The following IL31RA variants were observed in gnomAD, a reference collection of about 807,000 sequenced individuals.
IL31RA encodes interleukin-31 receptor subunit alpha.
In IL31RA, 66 loss-of-function variants were observed where a neutral mutation model predicts 83.7. The ratio of observed to expected loss-of-function variants is 0.79; its 90% CI spans 0.65 to 0.97. The LOEUF (loss-of-function observed/expected upper bound fraction) is 0.97. Ranked by LOEUF, IL31RA falls within the 50% of genes least tolerant of loss-of-function variation. The pLI is 0.00. For synonymous variants in IL31RA, 325 were observed against 329.0 expected, an observed-to-expected ratio of 0.99 and a Z score of 0.13; for missense variants, 798 against 919.4, an observed-to-expected ratio of 0.87 and a Z score of 1.71.
At chr5:55,844,057 T>A in the IL31RA span, among the ~76,000 whole-genome samples, 1 of 152,154 alleles carries the variant, frequency 6.6e-6, no homozygotes, top group Non-Finnish European at 1.5e-5. Flanking sequence ...TGTGCCAGTT[T>A]GTTACATGGT....
chr5:55,903,125 G>A lies in IL31RA; in HGVS notation c.1070-2981G>A, dbSNP rs1297661517. On this transcript the variant is annotated intron_variant, in intron 8 of 14. Coordinates refer to ENST00000652347, the MANE Select transcript of IL31RA (RefSeq NM_139017.7). The surrounding 1 kb of genome is among the most constrained non-coding windows in gnomAD (Gnocchi z 4.7). ...GAATGAGGTTCCTTCTGCTCAGCAC[G>A]CCCTGGGTTTTGTGAGACCCGAGAC... 1.3e-5 allele frequency among the ~76,000 whole-genome samples: 2 copies of A among 152,194 alleles called. No individual in the cohort carries two copies. Among genetic ancestry groups the A allele is most frequent in the African/African-American group, 4.8e-5 (2 of 41,446 alleles).
chr5:55,916,690 A>G lies in IL31RA; in HGVS notation c.1865A>G (p.Asp622Gly), dbSNP rs750463397. 4 of 1,614,224 alleles carry G rather than the reference A, an allele frequency of 2.5e-6. No individual in the cohort carries two copies. In the East Asian group the frequency reaches 8.9e-5, roughly 36 times the overall value. ...KESDDSVNTE[D>G]RILKPCSTPS... ...TCTGATGACTCTGTGAACACAGAAG[A>G]CAGGATCTTAAAACCATGTTCCACC... Residue 622 changes from aspartate to glycine, a missense_variant, in exon 15 of 15, where the codon GAC (aspartate) becomes GGC (glycine). Physicochemically the swap from Asp to Gly is moderately conservative, Grantham distance 94. Transcript: ENST00000652347.
chr5:55,844,951 C>A, the IL31RA span, among the ~76,000 whole-genome samples: 1 of 152,164 alleles, frequency 6.6e-6, no homozygotes, highest in Non-Finnish European at 1.5e-5. Context: ...CCTCTAGCAT[C>A]TCTTTTTTAT....
intron 6 of IL31RA, among the ~76,000 whole-genome samples, chr5:55,891,364 C>T (rs1039768670): frequency 3.9e-5 from 6 of 152,182 alleles, no homozygotes; most frequent in African/African-American, 1.2e-4. Context: ...CTTAATGCAA[C>T]ACTAATGTAT....
At chr5:55,878,009 T>C (rs927113135) in intron 4 of IL31RA, among the ~76,000 whole-genome samples, 4 of 152,132 alleles carry the variant, frequency 2.6e-5, no homozygotes, top group African/African-American at 9.7e-5. Context: ...AGACTCTGTT[T>C]ATTTTTCCTT....
At chr5:55,869,317 C>G (rs1298515112) in intron 3 of IL31RA, among the ~76,000 whole-genome samples, 1 of 152,164 alleles carries the variant, frequency 6.6e-6, no homozygotes, top group African/African-American at 2.4e-5. Context: ...TGCTGTGTGA[C>G]CTCTGTCAAA....
chr5:55,852,275 T>C (rs1745111783), intron 1 of IL31RA: 1 of 152,530 alleles, frequency 6.6e-6, no homozygotes. Context: ...GTTCAAGCGA[T>C]TCTCCTGCCT....
intron 10 of IL31RA, 53 bp from the exon 11 acceptor site, chr5:55,908,212 G>T: frequency 6.2e-7 from 1 of 1,611,024 alleles, no homozygotes; most frequent in South Asian, 1.1e-5. Flanking sequence ...GTGGGGGAAC[G>T]ATCTCCTGGA....
chr5:55,839,910 C>T, the IL31RA span: 2 of 694,664 alleles, frequency 2.9e-6, no homozygotes, highest in Non-Finnish European at 5.4e-6. Flanking sequence ...ATACCTTGAG[C>T]CTTATTTTGA....
rs181014753 is a variant in IL31RA at position 55,876,223 on chromosome 5, T to G, written c.454+3772T>G. 1.7e-3 allele frequency among the ~76,000 whole-genome samples: 264 copies of G among 152,180 alleles called. 3 individuals are homozygous for G. The highest frequency in any genetic ancestry group is 6.2e-3 in the African/African-American group (258 of 41,528). On this transcript the variant is annotated intron_variant, in intron 4 of 14. Coordinates refer to ENST00000652347, the MANE Select transcript of IL31RA (RefSeq NM_139017.7). ...GAGATTGAGACCATCCTGGCCAACA[T>G]GGTGAAACCCCGTCTCTACTAAAAA...
At chr5:55,879,566 G>A (rs1747076512) in intron 4 of IL31RA, among the ~76,000 whole-genome samples, 2 of 150,294 alleles carry the variant, frequency 1.3e-5, no homozygotes, top group South Asian at 4.2e-4. Context: ...CCAGGCAGCT[G>A]GGACTACAGG....
At chr5:55,910,774 C>A in intron 12 of IL31RA, 102 bp downstream of exon 12, 1 of 1,297,526 alleles carries the variant, frequency 7.7e-7, no homozygotes, top group Non-Finnish European at 1.1e-6. Context: ...AATGAAAGGG[C>A]AGTGCCTAGT....
chr5:55,901,586 CATTATTATT>C (rs58572654), intron 8 of IL31RA, among the ~76,000 whole-genome samples: 46,660 of 144,746 alleles, frequency 0.32, 7,727 homozygotes, highest in African/African-American at 0.39. Context: ...TTACTATTGT[CATTATTATT>C]ATTATTATTA....
intron 4 of IL31RA, 121 bp downstream of exon 4, chr5:55,872,572 T>A: frequency 3.2e-6 from 1 of 316,112 alleles, no homozygotes; most frequent in Non-Finnish European, 5.5e-6. Flanking sequence ...GTTGTGGGTA[T>A]ACAGAAAATT....
At position 55,916,819 on chromosome 5, in the gene IL31RA, G is replaced by A; in HGVS notation, c.1994G>A (p.Gly665Glu). The change falls in exon 15 of 15, where the codon GGA becomes GAA. Residue 665 changes from glycine (G) to glutamate (E), a missense_variant. Gly to Glu is a moderately conservative substitution (Grantham distance 98, BLOSUM62 -2). Transcript: ENST00000652347. ...AGAACGGGTCAGGAAAACAATTTAG[G>A]AGGGGAAAAGAATGGGTATGTGACC... ...EARTGQENNL[G>E]GEKNGYVTCP... 1.2e-6 allele frequency: 2 copies of A among 1,614,220 alleles called. No homozygotes were observed. The highest frequency in any genetic ancestry group is 1.1e-5 in the South Asian group (1 of 91,084).
Position 55,903,692 on chromosome 5 carries a change from G to C in IL31RA, c.1070-2414G>C, listed in dbSNP as rs1016356158. Among the ~76,000 whole-genome samples, 1 of 152,146 alleles carries C rather than the reference G, an allele frequency of 6.6e-6. No individual in the cohort carries two copies. The highest frequency in any genetic ancestry group is 2.4e-5 in the African/African-American group (1 of 41,424). On this transcript the variant is annotated intron_variant, in intron 8 of 14. Coordinates refer to ENST00000652347, the MANE Select transcript of IL31RA (RefSeq NM_139017.7). This position sits in a 1 kb window ranked among gnomAD's most constrained non-coding sequence, Gnocchi z 4.7. ...AGTGTGGGTTTAGACACCAACACTG[G>C]CTTCTTCAGGCCAGGATTTGTGGGC...
chr5:55,891,180 T>G (rs1747964027), intron 6 of IL31RA, among the ~76,000 whole-genome samples: 1 of 152,156 alleles, frequency 6.6e-6, no homozygotes. Context: ...TCACTCCCAT[T>G]TTGGAAATGA....
chr5:55,867,099 T>TTG (rs1235642887), intron 2 of IL31RA, among the ~76,000 whole-genome samples: 1 of 28,364 alleles, frequency 3.5e-5, no homozygotes. Context: ...GTGTGTGTGT[T>TTG]TGTGTGTGTG....
In IL31RA at chr5:55,920,310, CCTG is replaced by C. The variant is rs1561132108; in HGVS notation, c.*3195_*3197del. ...CATTTCCAGCACGCCCCTAGTTACT[CCTG>C]CTGCAGCAGGCACCCTGCCACCCAG... On this transcript the variant is annotated 3_prime_UTR_variant, in exon 15 of 15. Transcript: ENST00000652347. 6.6e-6 allele frequency among the ~76,000 whole-genome samples: 1 copy of C among 152,252 alleles called. No homozygotes were observed. Among genetic ancestry groups the C allele is most frequent in the Non-Finnish European group, 1.5e-5 (1 of 68,042 alleles).
Sources: allele counts gnomAD v4.1 joint callset (sites outside exome capture counted in the v4.1 genomes callset), GRCh38; gene constraint gnomAD v4.1.1; non-coding constraint Gnocchi (gnomAD v3.1); transcripts MANE v1.5; gene names NCBI Gene and HGNC (gene_info 2026-07-23, HGNC 2026-07-21).